Variants in INTS8 observed in about 807,000 individuals in gnomAD.
The protein encoded by INTS8 is integrator complex subunit 8.
INTS8 carries 47 observed loss-of-function variants against 138.9 expected under a neutral mutation model. The ratio of observed to expected loss-of-function variants is 0.34; its 90% CI spans 0.27 to 0.43. The LOEUF is 0.43. INTS8 is among the 20% of genes least tolerant of loss of function. The pLI, the probability that INTS8 is intolerant of heterozygous loss-of-function variation, is 1.00. For missense variants in INTS8, 996 were observed against 1,173.0 expected (o/e 0.85, Z 2.20); for synonymous variants, 392 against 400.9 (o/e 0.98, Z 0.27).
intron 16 of INTS8, among the ~76,000 whole-genome samples, chr8:94,864,155 G>A (rs1816092862): frequency 6.6e-6 from 1 of 151,912 alleles, no homozygotes; most frequent in South Asian, 2.1e-4. Flanking sequence ...CAATGTGTCA[G>A]GTATTTATTG....
At chr8:94,831,221 C>A (rs1814700217) in intron 5 of INTS8, among the ~76,000 whole-genome samples, 1 of 151,898 alleles carries the variant, frequency 6.6e-6, no homozygotes, top group Non-Finnish European at 1.5e-5. Flanking sequence ...TCAAGCAATT[C>A]TTGTGCCTCA....
chr8:94,835,799 T>A (rs552825969), intron 6 of INTS8, among the ~76,000 whole-genome samples: 238 of 152,190 alleles, frequency 1.6e-3, no homozygotes, highest in African/African-American at 5.5e-3. Context: ...AGGGTTTCAC[T>A]ATGTTGGTCA....
intron 8 of INTS8, among the ~76,000 whole-genome samples, chr8:94,840,585 T>TCTCA (rs1815098278): frequency 7.2e-6 from 1 of 138,640 alleles, no homozygotes; most frequent in Non-Finnish European, 1.5e-5. Context: ...TGAGACAGAG[T>TCTCA]CTCACTCTGT....
At chr8:94,850,120 G>T in intron 12 of INTS8, 29 bp downstream of exon 12, 1 of 1,523,818 alleles carries the variant, frequency 6.6e-7, no homozygotes, top group Non-Finnish European at 8.9e-7. Flanking sequence ...CAGCCAAAAT[G>T]TTGGCATGTT....
chr8:94,880,341 C>A lies in INTS8; in HGVS notation c.*107C>A, dbSNP rs368418645. The A allele has an allele frequency of 6.9e-6, 4 of 581,308 alleles. No individual in the cohort carries two copies. The highest frequency in any genetic ancestry group is 1.2e-5 in the Non-Finnish European group (4 of 330,250). The allele number at this position is 581,308 out of a possible 1,614,324, so 36.0% of individuals were successfully genotyped here. Reference sequence around the variant, plus strand: ...ATATGTACACAATTAGTGGTGTTTTCTTTTCAGACAAAATACTGAAACAAA... The same window carrying A: ...ATATGTACACAATTAGTGGTGTTTTATTTTCAGACAAAATACTGAAACAAA... On this transcript the variant is annotated 3_prime_UTR_variant, in exon 27 of 27. Coordinates refer to ENST00000523731, the MANE Select transcript of INTS8 (RefSeq NM_017864.4).
chr8:94,833,429 G>T (rs1471487837), intron 6 of INTS8, among the ~76,000 whole-genome samples: 1 of 151,664 alleles, frequency 6.6e-6, no homozygotes, highest in Non-Finnish European at 1.5e-5. Flanking sequence ...TGTTGCCCAG[G>T]CTGGTCTCGG....
chr8:94,853,972 G>T, intron 14 of INTS8, 57 bp downstream of exon 14: 1 of 1,088,778 alleles, frequency 9.2e-7, no homozygotes, highest in Non-Finnish European at 1.4e-6. Context: ...GTCAGGTGCC[G>T]TGGCTCATAC....
chr8:94,855,543 C>G (rs1815714703), intron 14 of INTS8, among the ~76,000 whole-genome samples: 1 of 152,142 alleles, frequency 6.6e-6, no homozygotes, highest in Non-Finnish European at 1.5e-5. Context: ...TCCTTCTACA[C>G]CTAACATAAC....
chr8:94,880,209 A>C lies in INTS8; in HGVS notation c.2963A>C (p.Gln988Pro). 1 of 1,604,404 alleles carries C rather than the reference A, an allele frequency of 6.2e-7. No individual in the cohort carries two copies. The highest frequency in any genetic ancestry group is 8.5e-7 in the Non-Finnish European group (1 of 1,175,954). The change falls in exon 27 of 27, where the codon CAA becomes CCA. Residue 988 changes from glutamine to proline, a missense_variant. Physicochemically the swap from Gln to Pro is moderately conservative, Grantham distance 76. Transcript: ENST00000523731. ...AAQRRKKKFL[Q>P]AMAKLYF ...CAGAGAAGGAAAAAAAAGTTTCTCC[A>C]AGCAATGGCAAAACTTTACTTTTAA...
At chr8:94,841,419 A>G in intron 8 of INTS8, 72 bp from the exon 9 acceptor site, 1 of 667,860 alleles carries the variant, frequency 1.5e-6, no homozygotes, top group Non-Finnish European at 2.6e-6. Flanking sequence ...TCCATTATAG[A>G]AAGACTTGTT....
At position 94,827,773 on chromosome 8, in the gene INTS8, C is replaced by G; in HGVS notation, c.498C>G (p.Pro166=). ...QSSFPVKQAK[P]GPPQLSVMNQ... is the part of the protein sequence containing the mutation. Reference sequence around the variant, plus strand: ...GTTTTCCAGTCAAACAGGCAAAACCCGGACCCCCTCAGTTAAGTGTGTAAG... The same window carrying G: ...GTTTTCCAGTCAAACAGGCAAAACCGGGACCCCCTCAGTTAAGTGTGTAAG... Residue 166 remains proline (P), a synonymous_variant, in exon 4 of 27, where the codon CCC becomes CCG. Transcript: ENST00000523731. The G allele has an allele frequency of 6.2e-7, 1 of 1,613,926 alleles. No individual in the cohort carries two copies. The highest frequency in any genetic ancestry group is 8.5e-7 in the Non-Finnish European group (1 of 1,179,850).
At chr8:94,826,272 A>G (rs913889854) in intron 2 of INTS8, among the ~76,000 whole-genome samples, 1 of 152,084 alleles carries the variant, frequency 6.6e-6, no homozygotes, top group African/African-American at 2.4e-5. Context: ...AAATATTAGA[A>G]TTTTTAAAGT....
At chr8:94,869,479 T>C (rs1374605422) in intron 20 of INTS8, among the ~76,000 whole-genome samples, 1 of 151,932 alleles carries the variant, frequency 6.6e-6, no homozygotes. Flanking sequence ...TATTTTTATT[T>C]ATTTATTTAC....
At chr8:94,846,739 T>C (rs79867152) in intron 10 of INTS8, among the ~76,000 whole-genome samples, 5,133 of 152,310 alleles carry the variant, frequency 0.034, 91 homozygotes, top group Non-Finnish European at 0.04. Flanking sequence ...TGCTATTCCT[T>C]ATCTGATTAA....
Position 94,867,280 on chromosome 8 carries a change from A to G in INTS8, c.2357A>G (p.Asp786Gly). The G allele has an allele frequency of 2.5e-6, 4 of 1,610,966 alleles. No individual in the cohort carries two copies. The highest frequency in any genetic ancestry group is 2.5e-6 in the Non-Finnish European group (3 of 1,178,576). The change falls in exon 20 of 27, where the codon GAC becomes GGC. Residue 786 changes from aspartate (D) to glycine (G), a missense_variant. Transcript: ENST00000523731. ...CCTTTTTTTTTCTTTTTAAAGGAGGACATTGTGAATGATATTACAGCTGAA... is the reference window on the plus strand; with the variant it reads ...CCTTTTTTTTTCTTTTTAAAGGAGGGCATTGTGAATGATATTACAGCTGAA... ...LFVKLHNVRE[D>G]IVNDITAEHI...
chr8:94,836,374 A>G (rs1310954934), intron 6 of INTS8, 150 bp from the exon 7 acceptor site: 4 of 577,170 alleles, frequency 6.9e-6, no homozygotes, highest in South Asian at 2.3e-5. Flanking sequence ...GCTTGTGACT[A>G]AGAACACTGG....
In INTS8 at chr8:94,834,362, GGTGTGTGTGTGTGTGTGTGTGTGTGT is replaced by G. The variant is rs35147334; in HGVS notation, c.754-2151_754-2126del. ...TAGTAAGTATGCATATATGTGCATG[GGTGTGTGTGTGTGTGTGTGTGTGTGT>G]GTGTGTGTGTATTTTTTGCTCTTTT... On this transcript the variant is annotated intron_variant, in intron 6 of 26. Transcript: ENST00000523731. 2.1e-5 allele frequency among the ~76,000 whole-genome samples: 3 copies of G among 144,464 alleles called. No individual in the cohort carries two copies. The Admixed American group carries it at 2.1e-4, about 10-fold the overall frequency. 94.8% of individuals were successfully genotyped at this position (144,464 alleles called of 152,430 possible).
chr8:94,824,355 A>G (rs1814401288), intron 1 of INTS8, among the ~76,000 whole-genome samples: 1 of 152,164 alleles, frequency 6.6e-6, no homozygotes. Flanking sequence ...CCCTTAATTC[A>G]TTCCTTTTGA....
intron 7 of INTS8, among the ~76,000 whole-genome samples, chr8:94,836,965 C>T (rs1261521716): frequency 6.6e-6 from 1 of 152,002 alleles, no homozygotes; most frequent in African/African-American, 2.4e-5. Context: ...CTTCATTTCC[C>T]TTATGTTTGG....
Sources: gnomAD v4.1 joint callset for allele counts (sites outside exome capture counted in the v4.1 genomes callset) on GRCh38, gnomAD v4.1.1 for gene constraint, MANE v1.5 for transcripts, NCBI Gene and HGNC (gene_info 2026-07-23, HGNC 2026-07-21) for gene names.